The following LRRTM4 variants were observed in gnomAD, a reference collection of about 807,000 sequenced individuals.
LRRTM4 encodes leucine-rich repeat transmembrane neuronal protein 4.
A neutral mutation model predicts 47.6 loss-of-function variants in LRRTM4; 25 were observed. That is an observed-to-expected ratio of 0.53 (90% CI 0.38 to 0.73). The LOEUF (loss-of-function observed/expected upper bound fraction) is 0.73. Ranked by LOEUF, LRRTM4 falls within the 30% of genes least tolerant of loss-of-function variation. The pLI is 0.00. For missense variants in LRRTM4, 638 were observed against 713.4 expected, an observed-to-expected ratio of 0.89 and a Z score of 1.20; for synonymous variants, 311 against 269.5, an observed-to-expected ratio of 1.15 and a Z score of -1.51.
chr2:76,978,482 T>G (rs1676492448), intron 3 of LRRTM4, among the ~76,000 whole-genome samples: 1 of 152,080 alleles, frequency 6.6e-6, no homozygotes, highest in Non-Finnish European at 1.5e-5. Context: ...GCAATTCAAA[T>G]GCTCACTATA....
At chr2:77,126,392 G>A (rs539492033) in intron 3 of LRRTM4, among the ~76,000 whole-genome samples, 1 of 152,134 alleles carries the variant, frequency 6.6e-6, no homozygotes, top group Non-Finnish European at 1.5e-5. Flanking sequence ...GCAAGGAGAA[G>A]TAGAGAAAAG....
At chr2:76,982,992 ATGAT>A (rs2103970445) in intron 3 of LRRTM4, among the ~76,000 whole-genome samples, 1 of 152,214 alleles carries the variant, frequency 6.6e-6, no homozygotes, top group South Asian at 2.1e-4. Flanking sequence ...TGATAGTTAT[ATGAT>A]TAATTCAAGC....
At chr2:77,351,955 A>C (rs1218045195) in intron 3 of LRRTM4, among the ~76,000 whole-genome samples, 1 of 152,016 alleles carries the variant, frequency 6.6e-6, no homozygotes, top group Non-Finnish European at 1.5e-5. Context: ...TCTTTTCTTC[A>C]TTTTGTACAA....
At chr2:77,002,586 A>G (rs912062463) in intron 3 of LRRTM4, among the ~76,000 whole-genome samples, 4 of 152,146 alleles carry the variant, frequency 2.6e-5, no homozygotes, top group African/African-American at 7.2e-5. Flanking sequence ...TAGAAGCCAG[A>G]GCATTCTTTC....
intron 3 of LRRTM4, among the ~76,000 whole-genome samples, chr2:76,856,330 G>A (rs1183310094): frequency 2.0e-5 from 3 of 151,868 alleles, no homozygotes; most frequent in East Asian, 1.9e-4. Flanking sequence ...AAAAAGAAGG[G>A]TATTTTTATC....
In LRRTM4 at chr2:77,072,230, T is replaced by C. The variant is rs1208934941; in HGVS notation, c.1552-323314A>G. ...TTGGCACCATAAAAATGGGGAAAAA[T>C]TAAATCAACTAATTACAGTTCTGAC... On this transcript the variant is annotated intron_variant, in intron 3 of 3. Transcript: ENST00000409884. Among the ~76,000 whole-genome samples the C allele has an allele frequency of 3.3e-5, 5 of 152,052 alleles. No individual in the cohort carries two copies. In the East Asian group the frequency reaches 9.7e-4, roughly 29 times the overall value.
intron 3 of LRRTM4, among the ~76,000 whole-genome samples, chr2:77,347,798 G>C (rs1465456482): frequency 1.3e-5 from 2 of 151,996 alleles, no homozygotes; most frequent in African/African-American, 2.4e-5. Context: ...ATTCTTGGTA[G>C]CTCTGGTCTA....
At chr2:77,099,545 A>T (rs1431645225) in intron 3 of LRRTM4, among the ~76,000 whole-genome samples, 1 of 152,058 alleles carries the variant, frequency 6.6e-6, no homozygotes, top group Non-Finnish European at 1.5e-5. Flanking sequence ...AGAGAATGGG[A>T]TGCAGTTGGC....
chr2:76,906,509 A>G (rs1012067956), intron 3 of LRRTM4, among the ~76,000 whole-genome samples: 1 of 152,142 alleles, frequency 6.6e-6, no homozygotes, highest in Non-Finnish European at 1.5e-5. Context: ...TTAACTTTAA[A>G]TGTAAATGGA....
intron 3 of LRRTM4, among the ~76,000 whole-genome samples, chr2:77,467,623 C>T (rs1331513910): frequency 1.3e-5 from 2 of 152,096 alleles, no homozygotes; most frequent in South Asian, 2.1e-4. Context: ...TTCATGTTAA[C>T]ATAAAAATAG....
chr2:77,277,052 A>G (rs1676380283), intron 3 of LRRTM4, among the ~76,000 whole-genome samples: 1 of 151,848 alleles, frequency 6.6e-6, no homozygotes, highest in Non-Finnish European at 1.5e-5. Context: ...ACACTAGGTA[A>G]GGTCAGTGAC....
chr2:76,782,529 G>A (rs1458556528), intron 3 of LRRTM4, among the ~76,000 whole-genome samples: 1 of 152,172 alleles, frequency 6.6e-6, no homozygotes, highest in Non-Finnish European at 1.5e-5. Flanking sequence ...TATTACAGCA[G>A]TACAGTAATA....
At chr2:77,082,021 A>G (rs886852218) in intron 3 of LRRTM4, among the ~76,000 whole-genome samples, 1 of 152,158 alleles carries the variant, frequency 6.6e-6, no homozygotes, top group Non-Finnish European at 1.5e-5. Flanking sequence ...AAGATTTAGC[A>G]TTACCTAGTT....
At chr2:77,141,475 G>T (rs1318517057) in intron 3 of LRRTM4, among the ~76,000 whole-genome samples, 2 of 135,054 alleles carry the variant, frequency 1.5e-5, no homozygotes, top group East Asian at 5.2e-4. Context: ...CTGTCATGGG[G>T]TGGGGGGAGG....
chr2:77,342,159 T>C (rs1260776328), intron 3 of LRRTM4, among the ~76,000 whole-genome samples: 1 of 151,862 alleles, frequency 6.6e-6, no homozygotes, highest in Admixed American at 6.6e-5. Flanking sequence ...TTTAAATATG[T>C]TTGCTTATAG....
chr2:77,150,252 C>T lies in LRRTM4; in HGVS notation c.1551+368066G>A, dbSNP rs892614443. 7.2e-5 allele frequency among the ~76,000 whole-genome samples: 11 copies of T among 152,214 alleles called. No individual in the cohort carries two copies. The South Asian group carries it at 2.3e-3, about 32-fold the overall frequency. On this transcript the variant is annotated intron_variant, in intron 3 of 3. Transcript: ENST00000409884. ...TAAATAGAATTTGCTTTTCACTTTG[C>T]ATTTTTCTGTTCTTAAAATAGAATA... is the stretch of plus-strand genomic sequence containing the variant.
chr2:76,824,307 T>C (rs1424234573), intron 3 of LRRTM4, among the ~76,000 whole-genome samples: 1 of 151,524 alleles, frequency 6.6e-6, no homozygotes, highest in African/African-American at 2.4e-5. Flanking sequence ...GTTGTATAAT[T>C]TGCTTGGTTC....
chr2:76,873,952 A>G (rs1166898224), intron 3 of LRRTM4, among the ~76,000 whole-genome samples: 3 of 151,960 alleles, frequency 2.0e-5, no homozygotes, highest in Non-Finnish European at 4.4e-5. Flanking sequence ...CTACCTTAAT[A>G]TCAAATCATA....
intron 3 of LRRTM4, among the ~76,000 whole-genome samples, chr2:77,403,316 C>T (rs1013243981): frequency 6.6e-6 from 1 of 152,034 alleles, no homozygotes; most frequent in Non-Finnish European, 1.5e-5. Context: ...TCCAATCCTA[C>T]TGAACAAATT....
Sources: gnomAD v4.1 joint callset for allele counts (sites outside exome capture counted in the v4.1 genomes callset) on GRCh38, gnomAD v4.1.1 for gene constraint, MANE v1.5 for transcripts, NCBI Gene and HGNC (gene_info 2026-07-23, HGNC 2026-07-21) for gene names.